LRBA: variants seen among roughly 807,000 people sequenced by gnomAD.
LRBA encodes lipopolysaccharide-responsive and beige-like anchor protein.
A neutral mutation model predicts 330.0 loss-of-function variants in LRBA; 176 were observed. The observed-to-expected ratio is 0.53, with a 90% confidence interval of 0.47 to 0.60. The LOEUF (loss-of-function observed/expected upper bound fraction) is 0.60. Among genes scored for constraint, LRBA ranks in the 20% least tolerant of loss-of-function variants. The pLI is 0.00. For missense variants in LRBA, 3,259 were observed against 3,444.8 expected, an observed-to-expected ratio of 0.95 and a Z score of 1.35; for synonymous variants, 1,230 against 1,193.0, an observed-to-expected ratio of 1.03 and a Z score of -0.64.
At chr4:150,478,230 T>C (rs146028096) in intron 42 of LRBA, among the ~76,000 whole-genome samples, 100 of 152,220 alleles carry the variant, frequency 6.6e-4, no homozygotes, top group African/African-American at 2.3e-3. Context: ...TCAACATACC[T>C]CCTTATATCT....
In LRBA at chr4:150,665,857, C is replaced by T. The variant is rs182954615; in HGVS notation, c.5921+17694G>A. On this transcript the variant is annotated intron_variant, in intron 37 of 56. Coordinates refer to ENST00000651943, the MANE Select transcript of LRBA (RefSeq NM_001364905.1). Reference sequence around the variant, plus strand: ...CTTCACTTGAGTAAACATCTAAGAACTATATGAGGCCAAAACCTACGATCA... The same window carrying T: ...CTTCACTTGAGTAAACATCTAAGAATTATATGAGGCCAAAACCTACGATCA... Among the ~76,000 whole-genome samples, 3 of 152,318 alleles carry T rather than the reference C, an allele frequency of 2.0e-5. No individual in the cohort carries two copies. In the East Asian group the frequency reaches 5.8e-4, roughly 29 times the overall value.
chr4:150,841,334 T>TA lies in LRBA; in HGVS notation c.4569+2765dup, dbSNP rs1166838723. 5.3e-5 allele frequency among the ~76,000 whole-genome samples: 8 copies of TA among 152,296 alleles called. No individual in the cohort carries two copies. The East Asian group carries it at 1.5e-3, about 29-fold the overall frequency. On this transcript the variant is annotated intron_variant, in intron 28 of 56. Coordinates refer to ENST00000651943, the MANE Select transcript of LRBA (RefSeq NM_001364905.1). ...TATATGCCTGATTTTTGGCCTCAAA[T>TA]AAAAAATATCCCATAAATCGTTTAC...
At chr4:150,951,893 T>C (rs1736874074) in intron 2 of LRBA, among the ~76,000 whole-genome samples, 1 of 152,212 alleles carries the variant, frequency 6.6e-6, no homozygotes, top group Non-Finnish European at 1.5e-5. Context: ...TTTTCTTCTT[T>C]AAAGCTTACT....
intron 40 of LRBA, among the ~76,000 whole-genome samples, chr4:150,533,125 A>G (rs1015251136): frequency 2.6e-5 from 4 of 152,152 alleles, no homozygotes; most frequent in African/African-American, 9.7e-5. Flanking sequence ...AGCAACTGAC[A>G]ATATCAATAT....
At chr4:150,831,793 A>G in intron 29 of LRBA, 24 bp downstream of exon 29, 1 of 1,553,320 alleles carries the variant, frequency 6.4e-7, no homozygotes, top group Non-Finnish European at 8.7e-7. Context: ...CTTTGGTACA[A>G]AGGAATAGAA....
At chr4:150,684,420 A>G (rs1287694907) in intron 36 of LRBA, among the ~76,000 whole-genome samples, 1 of 152,158 alleles carries the variant, frequency 6.6e-6, no homozygotes, top group Non-Finnish European at 1.5e-5. Flanking sequence ...CTTATTTCAA[A>G]TGCAGAGTCT....
At chr4:150,836,954 A>AT (rs1748195231) in intron 28 of LRBA, among the ~76,000 whole-genome samples, 1 of 152,144 alleles carries the variant, frequency 6.6e-6, no homozygotes, top group Non-Finnish European at 1.5e-5. Context: ...TTCCCTCTAC[A>AT]CACTGCTTTA....
Position 150,868,199 on chromosome 4 carries a change from G to A in LRBA, c.2556C>T (p.Asn852=), listed in dbSNP as rs557820381. ...CAGCTTACCTCCTGTTTTCTCTACT[G>A]TTATTAAAAAGTTTAATCATGTCAG... is the stretch of plus-strand genomic sequence containing the variant. ...FLSDMIKLFN[N]SRENRRSLLQ... The change falls in exon 21 of 57, where the codon AAC becomes AAT. Residue 852 remains asparagine, a synonymous_variant. Coordinates refer to ENST00000651943, the MANE Select transcript of LRBA (RefSeq NM_001364905.1). The A allele has an allele frequency of 5.1e-5, 82 of 1,611,620 alleles. No homozygotes were observed. The South Asian group carries it at 8.2e-4, about 16-fold the overall frequency.
In LRBA at chr4:150,436,861, T is replaced by C. The variant is rs750883073; in HGVS notation, c.6784A>G (p.Ile2262Val). 24 of 1,613,426 alleles carry C rather than the reference T, an allele frequency of 1.5e-5. No homozygotes were observed. The highest frequency in any genetic ancestry group is 3.3e-5 in the South Asian group (3 of 91,000). ...PTNFRDLSKP[I>V]GALNPKRAAF... ...GCTCTTTTTGGGTTCAGAGCTCCTA[T>C]TGGCTGCCAATAGGGAGGGAAAAAA... Residue 2262 changes from isoleucine (I) to valine (V), a missense_variant, in exon 45 of 57, where the codon ATA (isoleucine) becomes GTA (valine). Ile to Val is a conservative substitution (Grantham distance 29, BLOSUM62 3). Coordinates refer to ENST00000651943, the MANE Select transcript of LRBA (RefSeq NM_001364905.1).
intron 34 of LRBA, among the ~76,000 whole-genome samples, chr4:150,792,178 C>T (rs1372826766): frequency 6.7e-6 from 1 of 149,420 alleles, no homozygotes; most frequent in East Asian, 2.0e-4. Context: ...CATAATTTTC[C>T]TAATACCGGA....
intron 36 of LRBA, among the ~76,000 whole-genome samples, chr4:150,729,445 GTGAAAGATCTCTATA>G (rs1267423207): frequency 1.3e-5 from 2 of 152,100 alleles, no homozygotes; most frequent in African/African-American, 4.8e-5. Flanking sequence ...TACAAAAGTG[GTGAAAGATCTCTATA>G]ATAAAAACTA....
chr4:150,991,446 A>T (rs1204590534), intron 2 of LRBA, among the ~76,000 whole-genome samples: 1 of 152,266 alleles, frequency 6.6e-6, no homozygotes, highest in Non-Finnish European at 1.5e-5. Flanking sequence ...TTGTAATTAC[A>T]TCCATAGAAT....
intron 44 of LRBA, among the ~76,000 whole-genome samples, chr4:150,443,038 TACA>T (rs1752036154): frequency 6.6e-6 from 1 of 152,194 alleles, no homozygotes; most frequent in African/African-American, 2.4e-5. Flanking sequence ...TCATTATCTT[TACA>T]ACAACTCTTA....
intron 40 of LRBA, among the ~76,000 whole-genome samples, chr4:150,557,959 G>A (rs186264559): frequency 2.4e-3 from 359 of 152,046 alleles, no homozygotes; most frequent in Non-Finnish European, 2.7e-3. Context: ...GTGTAGTGGC[G>A]CAATCTTGGC....
At chr4:150,830,368 T>C (rs902183267) in intron 29 of LRBA, among the ~76,000 whole-genome samples, 8 of 152,180 alleles carry the variant, frequency 5.3e-5, no homozygotes, top group African/African-American at 7.2e-5. Context: ...AGAGAGACGA[T>C]ATGGAGACAG....
rs190892678 is a variant in LRBA, at chr4:150,786,369, G to A, written c.5580+11712C>T. On this transcript the variant is annotated intron_variant, in intron 34 of 56. Transcript: ENST00000651943. ...AGCTATTCTCCTGCCTCAGCCTCCC[G>A]AGCAGCTGGGACTACAGGCACCCGC... 4.3e-3 allele frequency among the ~76,000 whole-genome samples: 643 copies of A among 150,236 alleles called. 3 individuals are homozygous for A. The highest frequency in any genetic ancestry group is 0.015 in the African/African-American group (608 of 40,806).
At chr4:150,703,054 G>C (rs139308480) in intron 36 of LRBA, among the ~76,000 whole-genome samples, 1 of 152,136 alleles carries the variant, frequency 6.6e-6, no homozygotes, top group Non-Finnish European at 1.5e-5. Context: ...CCAGCTACTC[G>C]GGAGGCTGAG....
chr4:150,502,139 C>G (rs1165944506), intron 40 of LRBA, among the ~76,000 whole-genome samples: 1 of 152,132 alleles, frequency 6.6e-6, no homozygotes, highest in Non-Finnish European at 1.5e-5. Context: ...TGAAAGAAAA[C>G]AATGTGAGAC....
At chr4:150,390,832 C>A (rs1274975519) in intron 47 of LRBA, among the ~76,000 whole-genome samples, 2 of 152,174 alleles carry the variant, frequency 1.3e-5, no homozygotes, top group African/African-American at 4.8e-5. Flanking sequence ...GCTAAATAAA[C>A]TGTTCAGCTA....
Sources: allele counts gnomAD v4.1 joint callset (sites outside exome capture counted in the v4.1 genomes callset), GRCh38; gene constraint gnomAD v4.1.1; transcripts MANE v1.5; gene names NCBI Gene and HGNC (gene_info 2026-07-23, HGNC 2026-07-21).